Variants in ANKS1A observed in about 807,000 individuals in gnomAD.
ANKS1A encodes ankyrin repeat and sterile alpha motif domain containing 1A, also known as ankyrin repeat and SAM domain-containing protein 1A.
Under a neutral mutation model 120.3 loss-of-function variants are expected in ANKS1A, and 55 were observed. The observed-to-expected ratio is 0.46, with a 90% CI of 0.37 to 0.57. ANKS1A has a LOEUF of 0.57. Among genes scored for constraint, ANKS1A ranks in the 20% least tolerant of loss-of-function variants. The pLI, the probability that ANKS1A is intolerant of heterozygous loss-of-function variation, is 0.00. For missense variants in ANKS1A, 1,123 were observed against 1,480.3 expected, an observed-to-expected ratio of 0.76 and a Z score of 3.96; for synonymous variants, 590 against 604.7, an observed-to-expected ratio of 0.98 and a Z score of 0.36.
At chr6:34,901,465 C>T (rs1767346768) in intron 1 of ANKS1A, among the ~76,000 whole-genome samples, 1 of 152,066 alleles carries the variant, frequency 6.6e-6, no homozygotes, top group South Asian at 2.1e-4. Flanking sequence ...TGATGATTTT[C>T]TAGTGGTTAA....
At chr6:35,093,950 C>G (rs1778384085), downstream of ANKS1A, among the ~76,000 whole-genome samples, 1 of 152,208 alleles carries the variant, frequency 6.6e-6, no homozygotes, top group African/African-American at 2.4e-5. Context: ...AGAACGCTCA[C>G]CAGCGCCCAG....
chr6:34,969,951 GC>G (rs1771098174), intron 2 of ANKS1A, 58 bp from the exon 3 acceptor site: 2 of 1,582,732 alleles, frequency 1.3e-6, no homozygotes, highest in East Asian at 4.5e-5. Context: ...GGTGTAAAGA[GC>G]TGTTAGCTGG....
At chr6:34,916,880 C>A (rs1393709010) in intron 1 of ANKS1A, among the ~76,000 whole-genome samples, 2 of 152,170 alleles carry the variant, frequency 1.3e-5, no homozygotes, top group African/African-American at 2.4e-5. Context: ...TTGTTGAGTG[C>A]CTGCTGTGAA....
intron 1 of ANKS1A, among the ~76,000 whole-genome samples, chr6:34,916,337 A>G (rs897967219): frequency 1.3e-5 from 2 of 152,166 alleles, no homozygotes; most frequent in South Asian, 4.1e-4. Context: ...AAGTCTGGAC[A>G]TGGAGATTTA....
At chr6:35,033,157 G>A (rs1265711844) in intron 11 of ANKS1A, among the ~76,000 whole-genome samples, 1 of 152,168 alleles carries the variant, frequency 6.6e-6, no homozygotes, top group African/African-American at 2.4e-5. Flanking sequence ...GAAATAGTTT[G>A]GACAGTTCTT....
At chr6:35,034,270 CGTAAGTGTTTTGGTTCTTTTTCT>C (rs1281063372) in intron 11 of ANKS1A, among the ~76,000 whole-genome samples, 1 of 152,092 alleles carries the variant, frequency 6.6e-6, no homozygotes, top group Non-Finnish European at 1.5e-5. Flanking sequence ...TTGACATCAC[CGTAAGTGTTTTGGTTCTTTTTCT>C]TGAATGTTTG....
At chr6:35,015,844 G>A (rs552069867) in intron 10 of ANKS1A, among the ~76,000 whole-genome samples, 4 of 152,230 alleles carry the variant, frequency 2.6e-5, no homozygotes, top group African/African-American at 9.6e-5. Flanking sequence ...AGTACATTGT[G>A]TTTATAAAGC....
At chr6:34,956,357 G>T (rs1012949321) in intron 1 of ANKS1A, among the ~76,000 whole-genome samples, 24 of 150,418 alleles carry the variant, frequency 1.6e-4, no homozygotes, top group South Asian at 4.2e-4. Context: ...GTTTTTTTGG[G>T]TTTTTTTTGT....
At chr6:35,079,969 C>G in intron 16 of ANKS1A, 41 bp downstream of exon 16, 1 of 1,541,662 alleles carries the variant, frequency 6.5e-7, no homozygotes, top group Non-Finnish European at 8.8e-7. Flanking sequence ...TGTTTGTTCC[C>G]TGTATTTGCA....
At position 35,083,153 on chromosome 6, in the gene ANKS1A, A is replaced by G. The variant is rs761089428; in HGVS notation, c.2836-2A>G. ...AAGCCTGGCCACTGCTCGCCCCCAC[A>G]GTATCTGGGCTCCATGCTGATCAAA... On this transcript the variant is annotated splice_acceptor_variant, in intron 18 of 23. Coordinates refer to ENST00000360359, the MANE Select transcript of ANKS1A (RefSeq NM_015245.3). LOFTEE classifies it high-confidence loss of function. The G allele has an allele frequency of 1.2e-6, 2 of 1,614,008 alleles. No individual in the cohort carries two copies.
At chr6:34,938,415 C>G (rs1362826889) in intron 1 of ANKS1A, among the ~76,000 whole-genome samples, 1 of 152,214 alleles carries the variant, frequency 6.6e-6, no homozygotes, top group Non-Finnish European at 1.5e-5. Flanking sequence ...TGCCCTGGCA[C>G]AAATCAGTCT....
chr6:35,083,025 T>TG, intron 18 of ANKS1A, 130 bp from the exon 19 acceptor site: 1 of 1,291,266 alleles, frequency 7.7e-7, no homozygotes, highest in Non-Finnish European at 1.1e-6. Context: ...TCTCTCCAGC[T>TG]GGGGCAGGAG....
intron 16 of ANKS1A, among the ~76,000 whole-genome samples, chr6:35,080,547 G>T (rs139260669): frequency 6.6e-6 from 1 of 152,286 alleles, no homozygotes; most frequent in East Asian, 1.9e-4. Flanking sequence ...AGTGGGTCCT[G>T]TTCATCCTCC....
At chr6:34,985,419 A>T in intron 8 of ANKS1A, 141 bp downstream of exon 8, 3 of 756,942 alleles carry the variant, frequency 4.0e-6, no homozygotes, top group African/African-American at 3.5e-5. Context: ...TCTCTTCTTC[A>T]TGGGGCTCTG....
intron 1 of ANKS1A, among the ~76,000 whole-genome samples, chr6:34,959,540 T>C (rs1461487513): frequency 2.0e-5 from 3 of 152,206 alleles, no homozygotes; most frequent in Non-Finnish European, 4.4e-5. Context: ...CAGGATCAGA[T>C]AGGATAAATA....
intron 1 of ANKS1A, among the ~76,000 whole-genome samples, chr6:34,895,568 A>T (rs7755801): frequency 0.073 from 11,077 of 152,128 alleles, 610 homozygotes; most frequent in East Asian, 0.23. Flanking sequence ...TAACATCTTA[A>T]GGAAGAGGGC....
At chr6:34,925,618 C>T (rs1768677392) in intron 1 of ANKS1A, among the ~76,000 whole-genome samples, 2 of 152,186 alleles carry the variant, frequency 1.3e-5, no homozygotes, top group Non-Finnish European at 2.9e-5. Context: ...AAACTTTGTC[C>T]ATAGAACCCT....
In ANKS1A at chr6:34,983,370, C is replaced by T. The variant is rs1168591006; in HGVS notation, c.957C>T (p.Pro319=). ...GTACAAAAGAAGTAGATAAAACCCC[C>T]CCACCCCAGCCACCTCTCATCTCCA... The part of the protein sequence containing the change: ...KRSTKEVDKT[P]PPQPPLISSM... The change falls in exon 7 of 24, where the codon CCC becomes CCT. Residue 319 remains proline (P), a synonymous_variant. Coordinates refer to ENST00000360359, the MANE Select transcript of ANKS1A (RefSeq NM_015245.3). 23 of 1,613,956 alleles carry T rather than the reference C, an allele frequency of 1.4e-5. No individual in the cohort carries two copies. The highest frequency in any genetic ancestry group is 3.3e-5 in the Admixed American group (2 of 59,996).
At position 34,889,568 on chromosome 6, in the gene ANKS1A, T is replaced by C; in HGVS notation, c.166T>C (p.Ser56Pro). Residue 56 changes from serine (S) to proline (P), a missense_variant, in exon 1 of 24, where the codon TCT (serine) becomes CCT (proline). Physicochemically the swap from Ser to Pro is moderately conservative, Grantham distance 74. This residue lies in a region of ANKS1A where 73 missense variants were observed against 82.2 expected (regional missense o/e 0.89). Coordinates refer to ENST00000360359, the MANE Select transcript of ANKS1A (RefSeq NM_015245.3). This position sits in a 1 kb window ranked among gnomAD's most constrained non-coding sequence, Gnocchi z 5.5. ...GSGGGGGGLGSSSHPLSSLLS... is the reference protein window; with the variant it reads ...GSGGGGGGLGPSSHPLSSLLS... ...CGGCGGCGGCGGCGGCGGCCTCGGC[T>C]CTTCCAGCCACCCCCTCTCCAGTCT... is the stretch of plus-strand genomic sequence containing the variant. 7.8e-7 allele frequency: 1 copy of C among 1,286,420 alleles called. No homozygotes were observed. Among genetic ancestry groups the C allele is most frequent in the South Asian group, 3.3e-5 (1 of 30,210 alleles). The allele number at this position is 1,286,420 out of a possible 1,614,324, so 79.7% of individuals were successfully genotyped here. A position where few individuals can be genotyped will look rare whatever the true frequency, so the allele number is the denominator to read the frequency against.
Sources: allele counts gnomAD v4.1 joint callset (sites outside exome capture counted in the v4.1 genomes callset), GRCh38; gene constraint gnomAD v4.1.1; regional missense constraint gnomAD v4.1.1; non-coding constraint Gnocchi (gnomAD v3.1); transcripts MANE v1.5; gene names NCBI Gene and HGNC (gene_info 2026-07-23, HGNC 2026-07-21).